Variants in DIP2A observed in about 807,000 individuals in gnomAD.
The protein encoded by DIP2A is disco-interacting protein 2 homolog A.
Under a neutral mutation model 177.4 loss-of-function variants are expected in DIP2A, and 85 were observed. The observed-to-expected ratio is 0.48, with a 90% CI of 0.40 to 0.57. DIP2A has a LOEUF of 0.57. Among genes scored for constraint, DIP2A ranks in the 20% least tolerant of loss-of-function variants. The pLI is 0.00. For missense variants in DIP2A, 1,791 were observed against 2,100.2 expected (o/e 0.85, Z 2.88); for synonymous variants, 886 against 881.8 (o/e 1.00, Z -0.08).
intron 26 of DIP2A, 134 bp from the exon 27 acceptor site, chr21:46,554,441 A>ACC (rs1345911381): frequency 1.3e-6 from 2 of 1,538,202 alleles, no homozygotes; most frequent in Non-Finnish European, 1.8e-6. Context: ...CAGCTCAGCT[A>ACC]CCCCTGTGGA....
chr21:46,547,406 G>A (rs550229635), intron 21 of DIP2A, among the ~76,000 whole-genome samples: 69 of 152,248 alleles, frequency 4.5e-4, no homozygotes, highest in African/African-American at 1.3e-3. Context: ...TTTTCTCTGC[G>A]AGACACATGA....
chr21:46,463,821 G>A (rs1205745525), intron 1 of DIP2A, among the ~76,000 whole-genome samples: 2 of 151,690 alleles, frequency 1.3e-5, no homozygotes, highest in African/African-American at 2.4e-5. Context: ...CAATTGTCCT[G>A]TCTTAGCCTC....
intron 34 of DIP2A, 95 bp downstream of exon 34, chr21:46,561,900 T>A (rs1353043737): frequency 6.5e-7 from 1 of 1,548,384 alleles, no homozygotes; most frequent in Non-Finnish European, 8.7e-7. Flanking sequence ...GCGGCTCTGA[T>A]GAACACAGGT....
chr21:46,550,461 G>A, intron 22 of DIP2A, 82 bp from the exon 23 acceptor site: 1 of 1,349,482 alleles, frequency 7.4e-7, no homozygotes, highest in Non-Finnish European at 1.0e-6. Context: ...CAGGTCCACA[G>A]AGGGGATGTT....
At chr21:46,580,374 C>A in the DIP2A span, among the ~76,000 whole-genome samples, 1 of 152,140 alleles carries the variant, frequency 6.6e-6, no homozygotes, top group Non-Finnish European at 1.5e-5. Context: ...ATACAGCACA[C>A]TGATGGGTCT....
chr21:46,567,383 T>C lies in DIP2A; in HGVS notation c.4477T>C (p.Trp1493Arg). The change falls in exon 38 of 38, where the codon TGG becomes CGG. Residue 1493 changes from tryptophan (W) to arginine (R), a missense_variant. Trp to Arg is a moderately radical substitution (Grantham distance 101, BLOSUM62 -3). Coordinates refer to ENST00000417564, the MANE Select transcript of DIP2A (RefSeq NM_015151.4). ...TTCTCTCTGCAGTGCCGTATTCACC[T>C]GGACCAACCTGCTGGTGGTGGTGGT... Reference protein sequence around the residue: ...RSIAECAVFTWTNLLVVVVEL... With the variant: ...RSIAECAVFTRTNLLVVVVEL... 6.2e-7 allele frequency: 1 copy of C among 1,613,494 alleles called. No homozygotes were observed.
At position 46,539,866 on chromosome 21, in the gene DIP2A, G is replaced by T. The variant is rs766953922; in HGVS notation, c.1922-11G>T. 6.2e-6 allele frequency: 10 copies of T among 1,609,948 alleles called. No homozygotes were observed. The highest frequency in any genetic ancestry group is 8.5e-6 in the Non-Finnish European group (10 of 1,176,392). ...TTAGTGCTGGCGTTCCACTCTTGTT[G>T]CTCTGTGCAGGGTCGATCTCCTCCT... On this transcript the variant is annotated splice_polypyrimidine_tract_variant and intron_variant, in intron 16 of 37. Transcript: ENST00000417564.
chr21:46,470,474 C>CAA (rs57786498), intron 1 of DIP2A, among the ~76,000 whole-genome samples: 95 of 137,224 alleles, frequency 6.9e-4, no homozygotes, highest in South Asian at 1.6e-3. Flanking sequence ...AGCTCCGTCT[C>CAA]AAAAAAAAAA....
In DIP2A at chr21:46,459,021, C is replaced by A; in HGVS notation, c.-111C>A. 1.1e-6 allele frequency: 1 copy of A among 905,890 alleles called. No homozygotes were observed. Among genetic ancestry groups the A allele is most frequent in the Non-Finnish European group, 1.5e-6 (1 of 656,886 alleles). The allele number at this position is 905,890 out of a possible 1,614,324, so 56.1% of individuals were successfully genotyped here. On this transcript the variant is annotated 5_prime_UTR_variant, in exon 1 of 38. It adds an upstream start codon to the 5' untranslated region. Coordinates refer to ENST00000417564, the MANE Select transcript of DIP2A (RefSeq NM_015151.4). Reference sequence around the variant, plus strand: ...TGTCCCGCCGCCTCCCGCTCCTCGCCTGGCGGATGTAGGTTGTTGGCCTGA... The same window carrying A: ...TGTCCCGCCGCCTCCCGCTCCTCGCATGGCGGATGTAGGTTGTTGGCCTGA...
chr21:46,543,963 G>A (rs1325860668), intron 18 of DIP2A, among the ~76,000 whole-genome samples: 2 of 152,158 alleles, frequency 1.3e-5, no homozygotes, highest in African/African-American at 2.4e-5. Context: ...TACTGTCTTT[G>A]GAGATGAGAA....
At chr21:46,572,157 A>T (rs1051354456), downstream of DIP2A, among the ~76,000 whole-genome samples, 2 of 152,330 alleles carry the variant, frequency 1.3e-5, no homozygotes, top group East Asian at 1.9e-4. Flanking sequence ...TAGAGAAAAA[A>T]GTTTATAAAG....
intron 6 of DIP2A, among the ~76,000 whole-genome samples, chr21:46,508,183 G>A (rs911890730): frequency 1.3e-5 from 2 of 151,824 alleles, no homozygotes; most frequent in African/African-American, 4.8e-5. Flanking sequence ...GCAGGCACAA[G>A]CCACCACATC....
chr21:46,533,460 C>G (rs1464172840), intron 10 of DIP2A, 64 bp from the exon 11 acceptor site: 4 of 1,565,372 alleles, frequency 2.6e-6, no homozygotes, highest in African/African-American at 1.4e-5. Flanking sequence ...CCTGGAGCAC[C>G]AAGGGTCTGG....
intron 7 of DIP2A, among the ~76,000 whole-genome samples, chr21:46,510,136 C>G (rs113398713): frequency 6.6e-6 from 1 of 152,202 alleles, no homozygotes; most frequent in Non-Finnish European, 1.5e-5. Context: ...CATCTGCAAG[C>G]TGAGAGCAAG....
chr21:46,524,304 C>T (rs547078190), intron 8 of DIP2A, among the ~76,000 whole-genome samples: 18 of 152,298 alleles, frequency 1.2e-4, no homozygotes, highest in South Asian at 2.1e-4. Flanking sequence ...AGTTGGGCCT[C>T]GAACCCAGGT....
In DIP2A at chr21:46,563,256, A is replaced by G. The variant is rs1008975692; in HGVS notation, c.4090-602A>G. On this transcript the variant is annotated intron_variant, in intron 34 of 37. Transcript: ENST00000417564. The surrounding 1 kb of genome is among the most constrained non-coding windows in gnomAD (Gnocchi z 4.3). ...CTGAGCCTGCAGTGTCATTGCCCCC[A>G]TTTCATACGTGAGGAAACTGAGGAC... Among the ~76,000 whole-genome samples the G allele has an allele frequency of 6.6e-6, 1 of 151,926 alleles. No individual in the cohort carries two copies. Among genetic ancestry groups the G allele is most frequent in the Non-Finnish European group, 1.5e-5 (1 of 67,978 alleles).
rs772943418 is a variant in DIP2A at position 46,565,898 on chromosome 21, G to C, written c.4339+11G>C. ...CTGATGCCAGTGGAGGTGAGGGGTTGTGGTGAAGCCCTGCGTGAGTGCTGT... is the reference window on the plus strand; with the variant it reads ...CTGATGCCAGTGGAGGTGAGGGGTTCTGGTGAAGCCCTGCGTGAGTGCTGT... On this transcript the variant is annotated intron_variant, in intron 36 of 37. Transcript: ENST00000417564. 6.2e-7 allele frequency: 1 copy of C among 1,613,626 alleles called. No individual in the cohort carries two copies. Among genetic ancestry groups the C allele is most frequent in the Admixed American group, 1.7e-5 (1 of 60,026 alleles).
At chr21:46,482,579 C>T (rs2056421299) in intron 1 of DIP2A, among the ~76,000 whole-genome samples, 1 of 152,142 alleles carries the variant, frequency 6.6e-6, no homozygotes, top group African/African-American at 2.4e-5. Flanking sequence ...TGTTAACTGT[C>T]AAACAGCCTC....
At chr21:46,549,202 A>G (rs1448854292) in intron 21 of DIP2A, among the ~76,000 whole-genome samples, 2 of 152,210 alleles carry the variant, frequency 1.3e-5, no homozygotes, top group Non-Finnish European at 2.9e-5. Context: ...ATAATGTCCC[A>G]GAGTCAGAAT....
Sources: allele counts gnomAD v4.1 joint callset (sites outside exome capture counted in the v4.1 genomes callset), GRCh38; gene constraint gnomAD v4.1.1; non-coding constraint Gnocchi (gnomAD v3.1); transcripts MANE v1.5; gene names NCBI Gene and HGNC (gene_info 2026-07-23, HGNC 2026-07-21).